The following FARS2 variants were observed in gnomAD, a reference collection of about 807,000 sequenced individuals.
FARS2 encodes the protein phenylalanyl-tRNA synthetase 2, mitochondrial.
In FARS2, 40 loss-of-function variants were observed where a neutral mutation model predicts 46.4. The ratio of observed to expected loss-of-function variants is 0.86; its 90% CI spans 0.67 to 1.12. The LOEUF (loss-of-function observed/expected upper bound fraction) is 1.12. Ranked by LOEUF, FARS2 falls within the 50% of genes most tolerant of loss-of-function variation. The pLI is 0.00. For synonymous variants in FARS2, 234 were observed against 214.9 expected (o/e 1.09, Z -0.78); for missense variants, 513 against 567.9 (o/e 0.90, Z 0.98).
chr6:5,598,148 AG>A (rs1402308876), intron 5 of FARS2, among the ~76,000 whole-genome samples: 2 of 152,138 alleles, frequency 1.3e-5, no homozygotes, highest in African/African-American at 4.8e-5. Context: ...GCACTTCGGG[AG>A]GCCAAGGTGG....
In FARS2 at chr6:5,404,734, A is replaced by G. The variant is rs760771367; in HGVS notation, c.772+33A>G. 2.8e-6 allele frequency: 4 copies of G among 1,436,934 alleles called. No homozygotes were observed. The South Asian group carries it at 4.3e-5, about 15-fold the overall frequency. 89.0% of individuals were successfully genotyped at this position (1,436,934 alleles called of 1,614,324 possible). On this transcript the variant is annotated intron_variant, in intron 3 of 6. Coordinates refer to ENST00000274680, the MANE Select transcript of FARS2 (RefSeq NM_006567.5). ...CTCAAACACAGGTTGACGATCTCTT[A>G]TCTGAAATACTTGGGACAGAAGTGT...
chr6:5,635,205 C>A (rs1049675204), intron 6 of FARS2, among the ~76,000 whole-genome samples: 10 of 152,148 alleles, frequency 6.6e-5, no homozygotes, highest in Non-Finnish European at 1.5e-4. Context: ...TGGTTACATC[C>A]TAATGGTGAG....
chr6:5,284,993 C>T (rs1767006149), intron 1 of FARS2, among the ~76,000 whole-genome samples: 1 of 152,206 alleles, frequency 6.6e-6, no homozygotes, highest in Admixed American at 6.5e-5. Flanking sequence ...TCTCACTCAA[C>T]CTCTAACGTT....
chr6:5,570,268 T>A (rs1373002835), intron 5 of FARS2, among the ~76,000 whole-genome samples: 1 of 152,172 alleles, frequency 6.6e-6, no homozygotes, highest in Non-Finnish European at 1.5e-5. Flanking sequence ...TCCTAAGGTG[T>A]TTATTTTGGT....
chr6:5,736,029 T>C (rs550532719), intron 6 of FARS2, among the ~76,000 whole-genome samples: 1 of 152,356 alleles, frequency 6.6e-6, no homozygotes, highest in East Asian at 1.9e-4. Flanking sequence ...AGGTTGATTC[T>C]GGCTGTCGAT....
At chr6:5,323,089 T>G (rs1241257117) in intron 1 of FARS2, among the ~76,000 whole-genome samples, 1 of 152,184 alleles carries the variant, frequency 6.6e-6, no homozygotes, top group Non-Finnish European at 1.5e-5. Context: ...TTTTAATCAT[T>G]TTTTTATTAA....
chr6:5,392,731 TATATACACACAC>T (rs1402878124), intron 2 of FARS2, among the ~76,000 whole-genome samples: 2 of 92,566 alleles, frequency 2.2e-5, no homozygotes, highest in African/African-American at 1.0e-4. Flanking sequence ...AAAATATATA[TATATACACACAC>T]ACACACACAC....
intron 1 of FARS2, among the ~76,000 whole-genome samples, chr6:5,308,829 A>G (rs1240963637): frequency 6.6e-6 from 1 of 152,224 alleles, no homozygotes; most frequent in Non-Finnish European, 1.5e-5. Flanking sequence ...TTTATTTCTC[A>G]TAGACCTCAA....
chr6:5,748,130 C>T (rs1761741584), intron 6 of FARS2, among the ~76,000 whole-genome samples: 1 of 152,188 alleles, frequency 6.6e-6, no homozygotes, highest in Non-Finnish European at 1.5e-5. Flanking sequence ...TACCCACTCT[C>T]ACCTCTCCCC....
At chr6:5,508,185 AAGTCAGTGATAT>A (rs1221580010) in intron 4 of FARS2, among the ~76,000 whole-genome samples, 2 of 152,240 alleles carry the variant, frequency 1.3e-5, no homozygotes, top group African/African-American at 4.8e-5. Flanking sequence ...GAAAACAATC[AAGTCAGTGATAT>A]AAACCATTAA....
intron 1 of FARS2, among the ~76,000 whole-genome samples, chr6:5,294,603 T>G (rs542942807): frequency 6.3e-4 from 96 of 152,346 alleles, no homozygotes; most frequent in African/African-American, 2.2e-3. Context: ...CTTGAACTTC[T>G]GACTGATGAC....
intron 6 of FARS2, among the ~76,000 whole-genome samples, chr6:5,645,594 TC>T (rs1325832077): frequency 6.6e-6 from 1 of 152,180 alleles, no homozygotes; most frequent in Non-Finnish European, 1.5e-5. Flanking sequence ...CTCTGAAACT[TC>T]CTCTGTGTGC....
chr6:5,688,544 A>T (rs1378159427), intron 6 of FARS2, among the ~76,000 whole-genome samples: 1 of 152,178 alleles, frequency 6.6e-6, no homozygotes, highest in Admixed American at 6.5e-5. Context: ...CATCCCAGGG[A>T]TGAAGCCCAC....
rs1344409513 is a variant in FARS2 at position 5,432,345 on chromosome 6, TA to T, written c.904+1174del. Among the ~76,000 whole-genome samples the T allele has an allele frequency of 9.4e-3, 303 of 32,216 alleles. 4 individuals carry two copies. Among genetic ancestry groups the T allele is most frequent in the African/African-American group, 0.024 (292 of 11,924 alleles). 21.1% of individuals were successfully genotyped at this position (32,216 alleles called of 152,430 possible). On this transcript the variant is annotated intron_variant, in intron 4 of 6. Coordinates refer to ENST00000274680, the MANE Select transcript of FARS2 (RefSeq NM_006567.5). ...AAAAAAAAATATATATATATATATA[TA>T]TATATTATATATATATAATATATTA...
At chr6:5,282,455 C>T (rs993494836) in intron 1 of FARS2, among the ~76,000 whole-genome samples, 5 of 152,052 alleles carry the variant, frequency 3.3e-5, no homozygotes, top group Middle Eastern at 3.4e-3. Context: ...CTGAAGGCCA[C>T]GAGCCATTTT....
At chr6:5,579,393 AGGGATTACAGGCT>A (rs1387553792) in intron 5 of FARS2, among the ~76,000 whole-genome samples, 1 of 151,690 alleles carries the variant, frequency 6.6e-6, no homozygotes, top group African/African-American at 2.4e-5. Context: ...CCCGAGTAGC[AGGGATTACAGGCT>A]GGGATTACAG....
At chr6:5,525,964 C>A (rs1391849363) in intron 4 of FARS2, among the ~76,000 whole-genome samples, 1 of 152,198 alleles carries the variant, frequency 6.6e-6, no homozygotes, top group African/African-American at 2.4e-5. Context: ...TACAAGGTAA[C>A]CCTATTGATT....
chr6:5,549,971 T>C (rs1201914571), intron 5 of FARS2, among the ~76,000 whole-genome samples: 8 of 152,218 alleles, frequency 5.3e-5, no homozygotes, highest in African/African-American at 1.4e-4. Context: ...CATTTAATTA[T>C]CTAAAGCTGG....
At chr6:5,587,904 TA>T (rs1300151558) in intron 5 of FARS2, among the ~76,000 whole-genome samples, 2 of 152,174 alleles carry the variant, frequency 1.3e-5, no homozygotes, top group Non-Finnish European at 2.9e-5. Context: ...TAAGGTAATA[TA>T]TCTTTTAATA....
Sources: gnomAD v4.1 joint callset for allele counts (sites outside exome capture counted in the v4.1 genomes callset) on GRCh38, gnomAD v4.1.1 for gene constraint, MANE v1.5 for transcripts, NCBI Gene and HGNC (gene_info 2026-07-23, HGNC 2026-07-21) for gene names.